TYW1B: variants seen among roughly 807,000 people sequenced by gnomAD.
The protein encoded by TYW1B is S-adenosyl-L-methionine-dependent tRNA 4-demethylwyosine synthase TYW1B.
TYW1B carries 73 observed loss-of-function variants against 86.9 expected under a neutral mutation model. That is an observed-to-expected ratio of 0.84 (90% CI 0.70 to 1.02). TYW1B has a LOEUF of 1.02. Among genes scored for constraint, TYW1B ranks in the 50% least tolerant of loss-of-function variants. The pLI, the probability that TYW1B is intolerant of heterozygous loss-of-function variation, is 0.00. For synonymous variants in TYW1B, 248 were observed against 292.8 expected (o/e 0.85, Z 1.56); for missense variants, 637 against 827.4 (o/e 0.77, Z 2.82).
chr7:72,782,073 G>C (rs182813015), intron 6 of TYW1B, among the ~76,000 whole-genome samples: 1 of 152,078 alleles, frequency 6.6e-6, no homozygotes, highest in East Asian at 1.9e-4. Context: ...TGGTTGAGCC[G>C]AGGAGTTGGA....
chr7:72,701,905 G>C (rs1162565230), intron 10 of TYW1B, among the ~76,000 whole-genome samples: 7 of 152,150 alleles, frequency 4.6e-5, no homozygotes, highest in Non-Finnish European at 1.0e-4. Flanking sequence ...CAGGCAGTTT[G>C]CAACTCTGCC....
At chr7:72,737,221 A>G (rs1554461136) in intron 8 of TYW1B, among the ~76,000 whole-genome samples, 1 of 152,242 alleles carries the variant, frequency 6.6e-6, no homozygotes, top group Non-Finnish European at 1.5e-5. Flanking sequence ...TCAATTTTCA[A>G]TGAACCTTTT....
intron 2 of TYW1B, 50 bp from the exon 3 acceptor site, chr7:72,815,531 T>C (rs1409664411): frequency 2.2e-5 from 34 of 1,526,106 alleles, no homozygotes; most frequent in African/African-American, 2.8e-5. Context: ...GAGCCAAATA[T>C]AGCCCTCATT....
At chr7:72,792,336 A>G (rs1554473692) in intron 6 of TYW1B, among the ~76,000 whole-genome samples, 1 of 152,088 alleles carries the variant, frequency 6.6e-6, no homozygotes, top group Non-Finnish European at 1.5e-5. Context: ...CAAAAAAAAA[A>G]AGAAAGAAAT....
At chr7:72,728,791 T>A (rs1554459230) in intron 9 of TYW1B, 31 bp downstream of exon 9, 1 of 1,593,134 alleles carries the variant, frequency 6.3e-7, no homozygotes, top group East Asian at 2.2e-5. Context: ...TAACAAGTAT[T>A]AGCATTCCTC....
intron 11 of TYW1B, among the ~76,000 whole-genome samples, chr7:72,651,618 A>T (rs1368406762): frequency 2.0e-5 from 3 of 152,208 alleles, no homozygotes; most frequent in African/African-American, 7.2e-5. Flanking sequence ...CCAACTCAAA[A>T]AAGTTAAAAA....
intron 3 of TYW1B, among the ~76,000 whole-genome samples, chr7:72,810,955 G>A (rs1213665419): frequency 2.0e-5 from 3 of 151,898 alleles, no homozygotes; most frequent in African/African-American, 7.3e-5. Context: ...TTGCCACAGT[G>A]GAAACAAAAT....
intron 7 of TYW1B, among the ~76,000 whole-genome samples, chr7:72,760,137 T>C (rs1254617918): frequency 6.6e-6 from 1 of 152,216 alleles, no homozygotes; most frequent in African/African-American, 2.4e-5. Context: ...AAACAAAAGA[T>C]AGATCTGTTA....
chr7:72,729,828 A>G (rs570677348), intron 8 of TYW1B, among the ~76,000 whole-genome samples: 2 of 152,248 alleles, frequency 1.3e-5, no homozygotes, highest in East Asian at 3.9e-4. Flanking sequence ...CAGCAGAGCT[A>G]CCAGAAATAG....
intron 6 of TYW1B, among the ~76,000 whole-genome samples, chr7:72,800,228 C>G (rs1554475361): frequency 2.6e-5 from 4 of 151,052 alleles, no homozygotes; most frequent in African/African-American, 9.7e-5. Context: ...AACAAGGTCT[C>G]CCAATGTCAT....
intron 13 of TYW1B, among the ~76,000 whole-genome samples, chr7:72,576,181 C>T (rs1262472538): frequency 1.3e-5 from 2 of 152,228 alleles, no homozygotes; most frequent in Non-Finnish European, 2.9e-5. Context: ...CTAATTCAAA[C>T]ATGCTAACTA....
intron 6 of TYW1B, among the ~76,000 whole-genome samples, chr7:72,787,213 G>C (rs1446204647): frequency 2.6e-5 from 4 of 152,146 alleles, no homozygotes; most frequent in Non-Finnish European, 4.4e-5. Flanking sequence ...GGCTATCCTA[G>C]CACTTTGGGA....
At chr7:72,727,900 CTG>C (rs1393948436) in intron 9 of TYW1B, among the ~76,000 whole-genome samples, 1 of 150,860 alleles carries the variant, frequency 6.6e-6, no homozygotes, top group Non-Finnish European at 1.5e-5. Flanking sequence ...AACCAACAAT[CTG>C]TGTTTTAACA....
intron 9 of TYW1B, among the ~76,000 whole-genome samples, chr7:72,714,785 C>T (rs1255519015): frequency 6.6e-6 from 1 of 152,154 alleles, no homozygotes; most frequent in Non-Finnish European, 1.5e-5. Flanking sequence ...GGCGTAGTGG[C>T]GGATGCCAGT....
intron 9 of TYW1B, among the ~76,000 whole-genome samples, chr7:72,719,539 G>C (rs2129570831): frequency 6.8e-6 from 1 of 146,948 alleles, no homozygotes; most frequent in African/African-American, 2.5e-5. Flanking sequence ...GCTGAGCCAG[G>C]AGAATTGCTT....
At chr7:72,581,629 T>G (rs1206568901) in intron 13 of TYW1B, among the ~76,000 whole-genome samples, 2 of 152,014 alleles carry the variant, frequency 1.3e-5, no homozygotes, top group Non-Finnish European at 2.9e-5. Flanking sequence ...CAGCTAATTT[T>G]TGTATTTTTT....
intron 11 of TYW1B, among the ~76,000 whole-genome samples, chr7:72,632,265 AT>A (rs1554439871): frequency 3.0e-5 from 3 of 98,442 alleles, no homozygotes; most frequent in African/African-American, 1.7e-4. Context: ...TCTCCAAAAA[AT>A]ATATATATAT....
At chr7:72,724,039 C>T (rs533741873) in intron 9 of TYW1B, among the ~76,000 whole-genome samples, 1 of 150,664 alleles carries the variant, frequency 6.6e-6, no homozygotes, top group African/African-American at 2.4e-5. Context: ...TTTACTATGA[C>T]TATTATAGCA....
intron 13 of TYW1B, among the ~76,000 whole-genome samples, chr7:72,614,015 G>A: frequency 1.4e-5 from 2 of 141,460 alleles, no homozygotes; most frequent in East Asian, 2.4e-4. Flanking sequence ...GGGGGTGGGG[G>A]GCAGGGGTGG....
Sources: allele counts gnomAD v4.1 joint callset (sites outside exome capture counted in the v4.1 genomes callset), GRCh38; gene constraint gnomAD v4.1.1; transcripts MANE v1.5; gene names NCBI Gene and HGNC (gene_info 2026-07-23, HGNC 2026-07-21).